Variants in FMN1 observed in about 807,000 individuals in gnomAD.
FMN1 encodes the protein formin-1.
In FMN1, 110 loss-of-function variants were observed where a neutral mutation model predicts 132.4. The observed-to-expected ratio is 0.83, with a 90% CI of 0.71 to 0.97. The LOEUF (loss-of-function observed/expected upper bound fraction) is 0.97, where lower values mean the gene tolerates loss of function less well. FMN1 is among the 50% of genes least tolerant of loss of function. The pLI is 0.00. For missense variants in FMN1, 1,792 were observed against 1,705.3 expected (o/e 1.05, Z -0.90); for synonymous variants, 722 against 651.7 (o/e 1.11, Z -1.64).
At chr15:33,128,403 G>A (rs897000773) in intron 4 of FMN1, among the ~76,000 whole-genome samples, 1 of 152,110 alleles carries the variant, frequency 6.6e-6, no homozygotes, top group Non-Finnish European at 1.5e-5. Flanking sequence ...CCCGCCATTT[G>A]TTCATCAACA....
chr15:32,866,595 TAAAC>T lies in FMN1; in HGVS notation c.3836-9492_3836-9489del, dbSNP rs375374631. Among the ~76,000 whole-genome samples, 641 of 152,334 alleles carry T rather than the reference TAAAC, an allele frequency of 4.2e-3. 5 individuals carry two copies. The highest frequency in any genetic ancestry group is 0.015 in the African/African-American group (607 of 41,578). ...ACATTCCTAATGTTTGTGTGTTTAA[TAAAC>T]AAATCATGTTACAGTCTAATCATTT... On this transcript the variant is annotated intron_variant, in intron 16 of 20. Coordinates refer to ENST00000616417, the MANE Select transcript of FMN1 (RefSeq NM_001277313.2).
intron 10 of FMN1, among the ~76,000 whole-genome samples, chr15:32,925,198 C>A (rs1473229345): frequency 6.6e-6 from 1 of 152,120 alleles, no homozygotes; most frequent in African/African-American, 2.4e-5. Context: ...GGAAAGTATT[C>A]CTCCCTAGAA....
chr15:32,879,817 C>T (rs758397222), intron 16 of FMN1, among the ~76,000 whole-genome samples: 5 of 152,032 alleles, frequency 3.3e-5, no homozygotes, highest in Non-Finnish European at 5.9e-5. Context: ...GTCATTGAAA[C>T]TTAACAAATT....
intron 6 of FMN1, among the ~76,000 whole-genome samples, chr15:33,060,844 A>G (rs2141226453): frequency 6.6e-6 from 1 of 152,374 alleles, no homozygotes; most frequent in South Asian, 2.1e-4. Flanking sequence ...TCAGTCACTG[A>G]CAGTTCCCTA....
chr15:32,811,291 C>G (rs970516933), intron 17 of FMN1, among the ~76,000 whole-genome samples: 6 of 152,104 alleles, frequency 3.9e-5, no homozygotes, highest in Non-Finnish European at 8.8e-5. Context: ...CATTTCTGGT[C>G]TGTCAGAGCA....
At chr15:33,128,145 T>A (rs528003409) in intron 4 of FMN1, among the ~76,000 whole-genome samples, 1 of 150,606 alleles carries the variant, frequency 6.6e-6, no homozygotes, top group African/African-American at 2.5e-5. Flanking sequence ...CAGTAGAGAG[T>A]GTAACAGAAG....
chr15:33,048,650 C>CAAAAAAAAAA lies in FMN1; in HGVS notation c.2161+16306_2161+16307insTTTTTTTTTT, dbSNP rs2036824599. 2.0e-4 allele frequency among the ~76,000 whole-genome samples: 5 copies of CAAAAAAAAAA among 25,116 alleles called. 1 individual carries two copies. Among genetic ancestry groups the CAAAAAAAAAA allele is most frequent in the Non-Finnish European group, 3.6e-4 (3 of 8,396 alleles). 16.5% of individuals were successfully genotyped at this position (25,116 alleles called of 152,430 possible). The stretch of plus-strand genomic sequence containing the variant: ...ATTTACCAAAAAAAAAAAAAAAAAA[C>CAAAAAAAAAA]CAACAGTTTAATGGACTTACAGTTC... On this transcript the variant is annotated intron_variant, in intron 6 of 20. Coordinates refer to ENST00000616417, the MANE Select transcript of FMN1 (RefSeq NM_001277313.2).
intron 9 of FMN1, among the ~76,000 whole-genome samples, chr15:32,961,423 C>T (rs958762955): frequency 6.6e-6 from 1 of 152,122 alleles, no homozygotes; most frequent in African/African-American, 2.4e-5. Context: ...CATGAGCCAC[C>T]GTACCCGGCC....
chr15:33,069,957 G>A (rs1300647821), intron 5 of FMN1, among the ~76,000 whole-genome samples: 1 of 132,850 alleles, frequency 7.5e-6, no homozygotes, highest in African/African-American at 2.7e-5. Context: ...GTAGAAAGAA[G>A]AAATGATCAC....
At chr15:33,052,997 TC>T (rs34913004) in intron 6 of FMN1, among the ~76,000 whole-genome samples, 152,035 of 152,036 alleles carry the variant, frequency 1, 76,017 homozygotes, top group Non-Finnish European at 1. Flanking sequence ...TGTGGGATCA[TC>T]CCCCACTCCC....
At chr15:33,078,031 TAAAC>T (rs2038291274) in intron 5 of FMN1, among the ~76,000 whole-genome samples, 1 of 151,172 alleles carries the variant, frequency 6.6e-6, no homozygotes, top group African/African-American at 2.5e-5. Flanking sequence ...CACCAATTCT[TAAAC>T]AGAGAGCAGA....
chr15:32,901,682 A>T (rs938024694), intron 13 of FMN1, among the ~76,000 whole-genome samples: 1 of 152,268 alleles, frequency 6.6e-6, no homozygotes, highest in Middle Eastern at 3.4e-3. Flanking sequence ...GGAATCTGTA[A>T]AAGTGTCATT....
At position 33,154,740 on chromosome 15, in the gene FMN1, T is replaced by A; in HGVS notation, c.175A>T (p.Ile59Phe). ...NCYQVREESD[I>F]ISLSQEPDEH... is the part of the protein sequence containing the mutation. ...TCCGGCTCCTGGCTGAGGCTGATGATGTCTGACTCCTCCCTGACTTGGTAG... is the reference window on the plus strand; with the variant it reads ...TCCGGCTCCTGGCTGAGGCTGATGAAGTCTGACTCCTCCCTGACTTGGTAG... The change falls in exon 4 of 21, where the codon ATC (isoleucine) becomes TTC (phenylalanine). Residue 59 changes from isoleucine to phenylalanine, a missense_variant. Around this residue, in one of 3 missense-constraint regions of FMN1, gnomAD observed 638 missense variants for 645.2 expected, o/e 0.99. Transcript: ENST00000616417. 6.5e-7 allele frequency: 1 copy of A among 1,536,140 alleles called. No homozygotes were observed. The highest frequency in any genetic ancestry group is 8.7e-7 in the Non-Finnish European group (1 of 1,146,920).
chr15:33,153,973 C>T lies in FMN1; in HGVS notation c.942G>A (p.Glu314=). The change falls in exon 4 of 21, where the codon GAG becomes GAA. Residue 314 remains glutamate (E), a synonymous_variant. Transcript: ENST00000616417. ...GCTTGCAAGTCCGCTTAGCCGGCTT[C>T]TCCATCTCATCCTTTTCTGCCTCTG... ...KHPEAEKDEM[E]KPAKRTCKQK... The T allele has an allele frequency of 3.9e-6, 6 of 1,536,778 alleles. No homozygotes were observed. The highest frequency in any genetic ancestry group is 5.2e-6 in the Non-Finnish European group (6 of 1,147,070).
chr15:32,883,708 T>C (rs896861495), intron 16 of FMN1, among the ~76,000 whole-genome samples: 23 of 151,990 alleles, frequency 1.5e-4, no homozygotes, highest in Non-Finnish European at 3.2e-4. Flanking sequence ...CTTCTTAAAG[T>C]ACCTTTTACA....
intron 7 of FMN1, among the ~76,000 whole-genome samples, chr15:32,976,119 G>T (rs1030814825): frequency 1.3e-5 from 2 of 152,174 alleles, no homozygotes; most frequent in South Asian, 4.2e-4. Context: ...TGCTGCCAGG[G>T]CCAATAAAAA....
At position 32,770,380 on chromosome 15, in the gene FMN1, TA is replaced by T. The variant is rs1483234946; in HGVS notation, c.*3929del. ...ACTTTCAAGAAAGGAAGAGTATCAT[TA>T]AAATGAAAATTTCTCTGTTGCAAAC... is the stretch of plus-strand genomic sequence containing the variant. On this transcript the variant is annotated 3_prime_UTR_variant, in exon 21 of 21. Coordinates refer to ENST00000616417, the MANE Select transcript of FMN1 (RefSeq NM_001277313.2). The T allele has an allele frequency of 1.4e-5, 2 of 141,972 alleles. No homozygotes were observed. The highest frequency in any genetic ancestry group is 5.1e-5 in the African/African-American group (2 of 39,400). The allele number at this position is 141,972 out of a possible 1,614,324, so 8.8% of individuals were successfully genotyped here.
At position 32,855,878 on chromosome 15, in the gene FMN1, T is replaced by C. The variant is rs1465623062; in HGVS notation, c.3928+1137A>G. On this transcript the variant is annotated intron_variant, in intron 17 of 20. Coordinates refer to ENST00000616417, the MANE Select transcript of FMN1 (RefSeq NM_001277313.2). ...AGTCACTTATAAAATCCATCTCCTA[T>C]AGTCACATAGCACACAAGTATTGGT... 2.6e-5 allele frequency among the ~76,000 whole-genome samples: 4 copies of C among 152,338 alleles called. 1 individual carries two copies. The Middle Eastern group carries it at 0.014, about 518-fold the overall frequency.
chr15:32,846,998 T>A (rs1481309156), intron 17 of FMN1, among the ~76,000 whole-genome samples: 1 of 152,182 alleles, frequency 6.6e-6, no homozygotes, highest in Non-Finnish European at 1.5e-5. Flanking sequence ...CTTGGCTCCA[T>A]CCTCTACTTC....
Sources: allele counts gnomAD v4.1 joint callset (sites outside exome capture counted in the v4.1 genomes callset), GRCh38; gene constraint gnomAD v4.1.1; regional missense constraint gnomAD v4.1.1; transcripts MANE v1.5; gene names NCBI Gene and HGNC (gene_info 2026-07-23, HGNC 2026-07-21).